The following ZNF304 variants were observed in gnomAD, a reference collection of about 807,000 sequenced individuals.
ZNF304 encodes zinc finger protein 304.
A neutral mutation model predicts 7.8 loss-of-function variants in ZNF304; 7 were observed. The ratio of observed to expected loss-of-function variants is 0.90; its 90% CI spans 0.51 to 1.69. The LOEUF (loss-of-function observed/expected upper bound fraction) is 1.69, where lower values mean the gene tolerates loss of function less well. Among genes scored for constraint, ZNF304 ranks in the 40% most tolerant of loss-of-function variants. The probability of loss-of-function intolerance (pLI) is 0.00; values close to 1 mark genes in which losing one functional copy is unlikely to be tolerated. For synonymous variants in ZNF304, 280 were observed against 272.4 expected, an observed-to-expected ratio of 1.03 and a Z score of -0.27; for missense variants, 669 against 804.8, an observed-to-expected ratio of 0.83 and a Z score of 2.04.
In ZNF304 at chr19:57,356,695, G is replaced by A. The variant is rs751702295; in HGVS notation, c.826G>A (p.Glu276Lys). ...TAATCACAGAAAAATCCACAGTGGAGAAATATCTCATGTGTGTAAGGAGTG... is the reference window on the plus strand; with the variant it reads ...TAATCACAGAAAAATCCACAGTGGAAAAATATCTCATGTGTGTAAGGAGTG... ...LINHRKIHSGEISHVCKECGK... is the reference protein window; with the variant it reads ...LINHRKIHSGKISHVCKECGK... The change falls in exon 3 of 3, where the codon GAA (glutamate) becomes AAA (lysine). Residue 276 changes from glutamate to lysine, a missense_variant. Coordinates refer to ENST00000282286, the MANE Select transcript of ZNF304 (RefSeq NM_020657.4). 2 of 1,614,116 alleles carry A rather than the reference G, an allele frequency of 1.2e-6. No homozygotes were observed. The highest frequency in any genetic ancestry group is 1.7e-6 in the Non-Finnish European group (2 of 1,180,046).
At chr19:57,353,015 C>A (rs1183463954) in intron 1 of ZNF304, among the ~76,000 whole-genome samples, 1 of 151,994 alleles carries the variant, frequency 6.6e-6, no homozygotes, top group Non-Finnish European at 1.5e-5. Context: ...GTTTTTAGTT[C>A]TGGGGAAGGG....
At chr19:57,353,246 T>A (rs1460232607) in intron 1 of ZNF304, among the ~76,000 whole-genome samples, 7 of 152,006 alleles carry the variant, frequency 4.6e-5, no homozygotes, top group Non-Finnish European at 7.4e-5. Flanking sequence ...GGATGAGGGA[T>A]GTCATGGAGG....
chr19:57,355,303 G>A (rs767294072), intron 2 of ZNF304: 4 of 765,212 alleles, frequency 5.2e-6, no homozygotes, highest in Non-Finnish European at 9.6e-6. Flanking sequence ...CAGTTGCGCA[G>A]TTGGAGGGGG....
chr19:57,357,061 A>C lies in ZNF304; in HGVS notation c.1192A>C (p.Lys398Gln). 1 of 1,614,182 alleles carries C rather than the reference A, an allele frequency of 6.2e-7. No homozygotes were observed. Among genetic ancestry groups the C allele is most frequent in the Non-Finnish European group, 8.5e-7 (1 of 1,180,026 alleles). The change falls in exon 3 of 3, where the codon AAA becomes CAA. Residue 398 changes from lysine to glutamine, a missense_variant. By Grantham distance (53) the Lys-to-Gln change is moderately conservative (BLOSUM62 1). Coordinates refer to ENST00000282286, the MANE Select transcript of ZNF304 (RefSeq NM_020657.4). ...ERPYECSECG[K>Q]FFSQSSHLIE... is the part of the protein sequence containing the mutation. Reference sequence around the variant, plus strand: ...GCCTTATGAGTGCAGTGAATGTGGAAAATTCTTTAGCCAAAGCTCCCACCT... The same window carrying C: ...GCCTTATGAGTGCAGTGAATGTGGACAATTCTTTAGCCAAAGCTCCCACCT...
Position 57,351,656 on chromosome 19 carries a change from C to G in ZNF304, c.-9C>G. On this transcript the variant is annotated 5_prime_UTR_variant, in exon 1 of 3. The change creates a new upstream start codon in the 5' untranslated region. Coordinates refer to ENST00000282286, the MANE Select transcript of ZNF304 (RefSeq NM_020657.4). This position sits in a 1 kb window ranked among gnomAD's most constrained non-coding sequence, Gnocchi z 4.1. ...AGCCCACAGGGCACAGACTGTTCATCCGCTTCTCATGGCAGCGGCGGTGCT... is the reference window on the plus strand; with the variant it reads ...AGCCCACAGGGCACAGACTGTTCATGCGCTTCTCATGGCAGCGGCGGTGCT... 1.2e-6 allele frequency: 2 copies of G among 1,613,574 alleles called. No homozygotes were observed. Among genetic ancestry groups the G allele is most frequent in the Non-Finnish European group, 1.7e-6 (2 of 1,179,894 alleles).
Position 57,357,789 on chromosome 19 carries a change from A to C in ZNF304, c.1920A>C (p.Glu640Asp). Residue 640 changes from glutamate to aspartate, a missense_variant, in exon 3 of 3, where the codon GAA becomes GAC. Glu to Asp is a conservative substitution (Grantham distance 45). Coordinates refer to ENST00000282286, the MANE Select transcript of ZNF304 (RefSeq NM_020657.4). Reference protein sequence around the residue: ...LVRHQKAHTGERAHECNSFGG... With the variant: ...LVRHQKAHTGDRAHECNSFGG... ...GTCACCAGAAAGCTCACACTGGAGA[A>C]AGAGCTCACGAGTGCAACAGTTTTG... 6.2e-7 allele frequency: 1 copy of C among 1,613,766 alleles called. No individual in the cohort carries two copies. Among genetic ancestry groups the C allele is most frequent in the Non-Finnish European group, 8.5e-7 (1 of 1,179,888 alleles).
At chr19:57,353,643 G>C (rs115094513) in intron 1 of ZNF304, 82 bp from the exon 2 acceptor site, 2 of 1,507,290 alleles carry the variant, frequency 1.3e-6, no homozygotes, top group South Asian at 2.8e-5. Flanking sequence ...CTAGAGAGTG[G>C]GTGTGTGAGT....
In ZNF304 at chr19:57,357,007, C is replaced by T; in HGVS notation, c.1138C>T (p.Gln380Ter). ...KAFSRKDTLVQHQRFHTGERP... is the reference protein window; with the variant it reads ...KAFSRKDTLV ...CTTTAGCCGTAAAGACACACTTGTT[C>T]AGCACCAGAGATTTCATACTGGAGA... Residue 380 changes from glutamine (Q) to a stop codon, truncating the protein, a stop_gained, in exon 3 of 3, where the codon CAG becomes TAG. Coordinates refer to ENST00000282286, the MANE Select transcript of ZNF304 (RefSeq NM_020657.4). LOFTEE classifies it low-confidence loss of function (END_TRUNC). The T allele has an allele frequency of 6.2e-7, 1 of 1,614,104 alleles. No homozygotes were observed. The highest frequency in any genetic ancestry group is 8.5e-7 in the Non-Finnish European group (1 of 1,179,946).
intron 2 of ZNF304, 21 bp from the exon 3 acceptor site, chr19:57,356,006 TCAC>T (rs773379456): frequency 2.5e-6 from 4 of 1,580,806 alleles, no homozygotes; most frequent in Middle Eastern, 1.7e-4. Flanking sequence ...AGCATGCACT[TCAC>T]CAGCTCTTTT....
At chr19:57,353,925 ATCAATTATC>A in intron 2 of ZNF304, 74 bp downstream of exon 2, 1 of 1,223,192 alleles carries the variant, frequency 8.2e-7, no homozygotes, top group Non-Finnish European at 1.1e-6. Context: ...AACAATAAAA[ATCAATTATC>A]TCTCCAGTTT....
In ZNF304 at chr19:57,359,773, C is replaced by A. The variant is rs862710; in HGVS notation, c.*1924C>A. On this transcript the variant is annotated 3_prime_UTR_variant, in exon 3 of 3. Coordinates refer to ENST00000282286, the MANE Select transcript of ZNF304 (RefSeq NM_020657.4). ...AATTGTTTGCTCATTTGTATTGCTG[C>A]GTAGTATTTCAGTATTTCATTGTAT... The A allele has an allele frequency of 0.73, 110,460 of 152,048 alleles. 40,443 individuals carry two copies. The highest frequency in any genetic ancestry group is 0.94 in the East Asian group (4,896 of 5,186). 9.4% of individuals were successfully genotyped at this position (152,048 alleles called of 1,614,324 possible).
Position 57,359,778 on chromosome 19 carries a change from TATTTC to T in ZNF304, c.*1931_*1935del, listed in dbSNP as rs1199949552. ...TTTGCTCATTTGTATTGCTGCGTAG[TATTTC>T]AGTATTTCATTGTATACCACAATTT... On this transcript the variant is annotated 3_prime_UTR_variant, in exon 3 of 3. Transcript: ENST00000282286. The T allele has an allele frequency of 1.3e-5, 2 of 152,240 alleles. No homozygotes were observed. The highest frequency in any genetic ancestry group is 4.8e-5 in the African/African-American group (2 of 41,464). The allele number at this position is 152,240 out of a possible 1,614,324, so 9.4% of individuals were successfully genotyped here.
chr19:57,351,811 G>C lies in ZNF304; in HGVS notation c.33+114G>C. Reference sequence around the variant, plus strand: ...CCGTCGCATTATGTGGAGGGGTTCCGCTCCCCTCATCAGTGGCATAAGGTG... The same window carrying C: ...CCGTCGCATTATGTGGAGGGGTTCCCCTCCCCTCATCAGTGGCATAAGGTG... On this transcript the variant is annotated intron_variant, in intron 1 of 2. Coordinates refer to ENST00000282286, the MANE Select transcript of ZNF304 (RefSeq NM_020657.4). This position sits in a 1 kb window ranked among gnomAD's most constrained non-coding sequence, Gnocchi z 4.1. 1.7e-6 allele frequency: 2 copies of C among 1,194,078 alleles called. No homozygotes were observed. Among genetic ancestry groups the C allele is most frequent in the East Asian group, 5.0e-5 (2 of 40,362 alleles). The allele number at this position is 1,194,078 out of a possible 1,614,324, so 74.0% of individuals were successfully genotyped here.
chr19:57,358,015 C>T lies in ZNF304; in HGVS notation c.*166C>T. On this transcript the variant is annotated 3_prime_UTR_variant, in exon 3 of 3. Coordinates refer to ENST00000282286, the MANE Select transcript of ZNF304 (RefSeq NM_020657.4). ...ATATTCATTCCACCCTGGGGAGATTCCTGATAAGCACCACATATGTGGGAG... is the reference window on the plus strand; with the variant it reads ...ATATTCATTCCACCCTGGGGAGATTTCTGATAAGCACCACATATGTGGGAG... 1 of 824,690 alleles carries T rather than the reference C, an allele frequency of 1.2e-6. No homozygotes were observed. The highest frequency in any genetic ancestry group is 1.8e-6 in the Non-Finnish European group (1 of 540,558). 51.1% of individuals were successfully genotyped at this position (824,690 alleles called of 1,614,324 possible).
rs1243395402 is a variant in ZNF304 at position 57,359,456 on chromosome 19, T to C, written c.*1607T>C. 3.9e-5 allele frequency: 6 copies of C among 152,260 alleles called. No individual in the cohort carries two copies. The highest frequency in any genetic ancestry group is 8.8e-5 in the Non-Finnish European group (6 of 68,046). 9.4% of individuals were successfully genotyped at this position (152,260 alleles called of 1,614,324 possible). On this transcript the variant is annotated 3_prime_UTR_variant, in exon 3 of 3. Transcript: ENST00000282286. Reference sequence around the variant, plus strand: ...TTTATTTAATAGCTTTATGGAGGTATGATTAACATGCAATAAACTGCAAAT... The same window carrying C: ...TTTATTTAATAGCTTTATGGAGGTACGATTAACATGCAATAAACTGCAAAT...
chr19:57,351,603 G>C lies in ZNF304; in HGVS notation c.-62G>C, dbSNP rs2088274743. ...GCTACACTCAGCCCGAGGGCGTCCA[G>C]CGCGGTGGAGGCGTGGGGTTTCGGC... On this transcript the variant is annotated 5_prime_UTR_variant, in exon 1 of 3. Coordinates refer to ENST00000282286, the MANE Select transcript of ZNF304 (RefSeq NM_020657.4). This position sits in a 1 kb window ranked among gnomAD's most constrained non-coding sequence, Gnocchi z 4.1. 2 of 1,605,178 alleles carry C rather than the reference G, an allele frequency of 1.2e-6. No homozygotes were observed. The highest frequency in any genetic ancestry group is 2.7e-5 in the African/African-American group (2 of 74,754).
rs1220543815 is a variant in ZNF304 at position 57,358,784 on chromosome 19, TCTC to T, written c.*938_*940del. On this transcript the variant is annotated 3_prime_UTR_variant, in exon 3 of 3. Coordinates refer to ENST00000282286, the MANE Select transcript of ZNF304 (RefSeq NM_020657.4). ...GAGGAGGGCATAGTTGGTGCGAAAATCTCCTGTGCTTGTGGAAGCAACATAAGT... is the reference window on the plus strand; with the variant it reads ...GAGGAGGGCATAGTTGGTGCGAAAATCTGTGCTTGTGGAAGCAACATAAGT... The T allele has an allele frequency of 2.0e-5, 3 of 152,192 alleles. No homozygotes were observed. The highest frequency in any genetic ancestry group is 7.2e-5 in the African/African-American group (3 of 41,430). 9.4% of individuals were successfully genotyped at this position (152,192 alleles called of 1,614,324 possible).
Position 57,356,356 on chromosome 19 carries a change from T to G in ZNF304, c.487T>G (p.Leu163Val). Residue 163 changes from leucine to valine, a missense_variant, in exon 3 of 3, where the codon TTA (leucine) becomes GTA (valine). By Grantham distance (32) the Leu-to-Val change is conservative. Transcript: ENST00000282286. Reference sequence around the variant, plus strand: ...TGTGAAGAGCTGTACAGTCCACATGTTAGGGAGATCCTTTACGTGCAGGGA... The same window carrying G: ...TGTGAAGAGCTGTACAGTCCACATGGTAGGGAGATCCTTTACGTGCAGGGA... ...SFVKSCTVHMLGRSFTCREEG... is the reference protein window; with the variant it reads ...SFVKSCTVHMVGRSFTCREEG... The G allele has an allele frequency of 1.2e-6, 2 of 1,614,140 alleles. No individual in the cohort carries two copies. The highest frequency in any genetic ancestry group is 1.7e-6 in the Non-Finnish European group (2 of 1,180,028).
In ZNF304 at chr19:57,357,697, A is replaced by G. The variant is rs762426690; in HGVS notation, c.1828A>G (p.Thr610Ala). 14 of 1,614,128 alleles carry G rather than the reference A, an allele frequency of 8.7e-6. No homozygotes were observed. The highest frequency in any genetic ancestry group is 7.7e-5 in the South Asian group (7 of 91,090). The change falls in exon 3 of 3, where the codon ACT becomes GCT. Residue 610 changes from threonine to alanine, a missense_variant. Coordinates refer to ENST00000282286, the MANE Select transcript of ZNF304 (RefSeq NM_020657.4). Reference sequence around the variant, plus strand: ...CCTCATTCTGCACCAGAGGGTTCACACTGGAGAAAAGCCTTACGTATGCAG... The same window carrying G: ...CCTCATTCTGCACCAGAGGGTTCACGCTGGAGAAAAGCCTTACGTATGCAG... Reference protein sequence around the residue: ...SGLILHQRVHTGEKPYVCSEC... With the variant: ...SGLILHQRVHAGEKPYVCSEC...
Sources: allele counts gnomAD v4.1 joint callset (sites outside exome capture counted in the v4.1 genomes callset), GRCh38; gene constraint gnomAD v4.1.1; non-coding constraint Gnocchi (gnomAD v3.1); transcripts MANE v1.5; gene names NCBI Gene and HGNC (gene_info 2026-07-23, HGNC 2026-07-21).